The following PLBD1 variants were observed in gnomAD, a reference collection of about 807,000 sequenced individuals.
The protein encoded by PLBD1 is phospholipase B domain containing 1.
In PLBD1, 60 loss-of-function variants were observed where a neutral mutation model predicts 63.0. The ratio of observed to expected loss-of-function variants is 0.95; its 90% CI spans 0.77 to 1.18. The LOEUF (loss-of-function observed/expected upper bound fraction) is 1.18, where lower values mean the gene tolerates loss of function less well. Ranked by LOEUF, PLBD1 falls within the 50% of genes most tolerant of loss-of-function variation. The pLI is 0.00. For synonymous variants in PLBD1, 262 were observed against 248.0 expected, an observed-to-expected ratio of 1.06 and a Z score of -0.53; for missense variants, 598 against 677.9, an observed-to-expected ratio of 0.88 and a Z score of 1.31.
At chr12:14,553,070 C>A in intron 2 of PLBD1, 123 bp downstream of exon 2, 2 of 881,262 alleles carry the variant, frequency 2.3e-6, no homozygotes, top group Non-Finnish European at 3.6e-6. Context: ...GTCTCTATCA[C>A]ACATGTGAAC....
chr12:14,510,409 T>A (rs1203066268), intron 8 of PLBD1, among the ~76,000 whole-genome samples: 3 of 152,090 alleles, frequency 2.0e-5, no homozygotes, highest in Non-Finnish European at 1.5e-5. Context: ...AAATAAAAAT[T>A]AAAATTAAAA....
chr12:14,516,102 A>G (rs7300683), intron 6 of PLBD1, among the ~76,000 whole-genome samples: 89,714 of 151,036 alleles, frequency 0.59, 26,930 homozygotes, highest in Admixed American at 0.71. Context: ...AGGCTGAGGC[A>G]GGTGGATCAC....
chr12:14,552,487 A>G (rs1416637216), intron 2 of PLBD1, among the ~76,000 whole-genome samples: 2 of 152,224 alleles, frequency 1.3e-5, no homozygotes, highest in African/African-American at 4.8e-5. Flanking sequence ...TAAATGCACC[A>G]ACCGTTTATT....
chr12:14,511,477 C>T, intron 7 of PLBD1, 34 bp downstream of exon 7: 1 of 1,614,082 alleles, frequency 6.2e-7, no homozygotes, highest in Non-Finnish European at 8.5e-7. Flanking sequence ...AAATATATGT[C>T]TGTGCCTAAC....
At chr12:14,519,387 G>A (rs1036821712) in intron 6 of PLBD1, among the ~76,000 whole-genome samples, 1 of 152,082 alleles carries the variant, frequency 6.6e-6, no homozygotes, top group Non-Finnish European at 1.5e-5. Context: ...TTGGGAGGCC[G>A]AGGCAGGTGG....
intron 8 of PLBD1, among the ~76,000 whole-genome samples, chr12:14,508,826 A>G (rs1207521200): frequency 3.9e-5 from 6 of 152,198 alleles, no homozygotes; most frequent in Admixed American, 1.3e-4. Flanking sequence ...CTGATGATGT[A>G]TAAGTATTAC....
At chr12:14,509,266 A>G (rs1945278232) in intron 8 of PLBD1, among the ~76,000 whole-genome samples, 1 of 152,112 alleles carries the variant, frequency 6.6e-6, no homozygotes, top group Non-Finnish European at 1.5e-5. Flanking sequence ...AACTCTTTTT[A>G]GTCTTAGGGA....
At chr12:14,513,275 A>G (rs1311677244) in intron 6 of PLBD1, among the ~76,000 whole-genome samples, 3 of 152,252 alleles carry the variant, frequency 2.0e-5, no homozygotes, top group Non-Finnish European at 2.9e-5. Flanking sequence ...AGCTATTAAC[A>G]TATGCACTAC....
intron 6 of PLBD1, among the ~76,000 whole-genome samples, chr12:14,528,910 T>C (rs1234890640): frequency 6.6e-6 from 1 of 152,008 alleles, no homozygotes; most frequent in Non-Finnish European, 1.5e-5. Context: ...TAAAACTAAC[T>C]CAAGAAGAGT....
chr12:14,543,475 T>A (rs1352872254), intron 2 of PLBD1, among the ~76,000 whole-genome samples: 1 of 152,146 alleles, frequency 6.6e-6, no homozygotes, highest in African/African-American at 2.4e-5. Flanking sequence ...TCCCAGCATT[T>A]TGGGAGGCTG....
At chr12:14,546,047 C>T (rs1264473010) in intron 2 of PLBD1, among the ~76,000 whole-genome samples, 1 of 152,096 alleles carries the variant, frequency 6.6e-6, no homozygotes, top group African/African-American at 2.4e-5. Flanking sequence ...TGAAGGCCAG[C>T]ACGGTGGCTC....
intron 6 of PLBD1, among the ~76,000 whole-genome samples, chr12:14,520,351 C>A (rs1945365548): frequency 6.6e-6 from 1 of 152,222 alleles, no homozygotes; most frequent in Non-Finnish European, 1.5e-5. Context: ...GCAGGAGCAA[C>A]CTCCAGAAGA....
chr12:14,530,807 A>T (rs915903599), intron 6 of PLBD1, among the ~76,000 whole-genome samples: 1 of 152,154 alleles, frequency 6.6e-6, no homozygotes, highest in Non-Finnish European at 1.5e-5. Context: ...ATTAATTTGC[A>T]TTGCCAAAAT....
intron 2 of PLBD1, among the ~76,000 whole-genome samples, chr12:14,550,840 C>T (rs1565579832): frequency 2.0e-5 from 3 of 150,778 alleles, no homozygotes; most frequent in Admixed American, 6.6e-5. Flanking sequence ...ATCACGCCAT[C>T]GCACTCTAGC....
At chr12:14,522,215 G>C (rs1344949679) in intron 6 of PLBD1, among the ~76,000 whole-genome samples, 4 of 152,110 alleles carry the variant, frequency 2.6e-5, no homozygotes, top group African/African-American at 7.2e-5. Context: ...CTTAAGTTTT[G>C]AGAGAGATAT....
Position 14,553,329 on chromosome 12 carries a change from A to T in PLBD1, c.199T>A (p.Tyr67Asn), listed in dbSNP as rs1180827832. 4 of 1,614,198 alleles carry T rather than the reference A, an allele frequency of 2.5e-6. No homozygotes were observed. The highest frequency in any genetic ancestry group is 2.5e-6 in the Non-Finnish European group (3 of 1,180,044). ...TTCACAGAGTTATTGTAAAAGCCATAGGCGTCCCCATTCTTGTCCATTACA... is the reference window on the plus strand; with the variant it reads ...TTCACAGAGTTATTGTAAAAGCCATTGGCGTCCCCATTCTTGTCCATTACA... Reference protein sequence around the residue: ...KNVMDKNGDAYGFYNNSVKTT... With the variant: ...KNVMDKNGDANGFYNNSVKTT... Residue 67 changes from tyrosine (Y) to asparagine (N), a missense_variant, in exon 2 of 11, where the codon TAT (tyrosine) becomes AAT (asparagine). Coordinates refer to ENST00000240617, the MANE Select transcript of PLBD1 (RefSeq NM_024829.6).
intron 1 of PLBD1, among the ~76,000 whole-genome samples, chr12:14,556,446 C>T (rs565330429): frequency 3.3e-5 from 5 of 151,846 alleles, no homozygotes; most frequent in South Asian, 2.1e-4. Flanking sequence ...CTCAGCTCAC[C>T]GCAAACTCCA....
chr12:14,544,236 C>T (rs868607108), intron 2 of PLBD1, among the ~76,000 whole-genome samples: 5 of 152,278 alleles, frequency 3.3e-5, no homozygotes, highest in Admixed American at 6.5e-5. Context: ...GGCTGCGGTG[C>T]GATCTTGGTT....
At chr12:14,528,655 C>G (rs892678708) in intron 6 of PLBD1, among the ~76,000 whole-genome samples, 1 of 151,780 alleles carries the variant, frequency 6.6e-6, no homozygotes, top group Non-Finnish European at 1.5e-5. Context: ...GTTATCTAGT[C>G]TTCTACATTA....
Sources: gnomAD v4.1 joint callset for allele counts (sites outside exome capture counted in the v4.1 genomes callset) on GRCh38, gnomAD v4.1.1 for gene constraint, MANE v1.5 for transcripts, NCBI Gene and HGNC (gene_info 2026-07-23, HGNC 2026-07-21) for gene names.